The following TMPRSS15 variants were observed in gnomAD, a reference collection of about 807,000 sequenced individuals.
The protein encoded by TMPRSS15 is transmembrane serine protease 15.
A neutral mutation model predicts 125.3 loss-of-function variants in TMPRSS15; 128 were observed. The observed-to-expected ratio is 1.02, with a 90% CI of 0.89 to 1.18. The LOEUF is 1.18. Ranked by LOEUF, TMPRSS15 falls within the 50% of genes most tolerant of loss-of-function variation. TMPRSS15 has a pLI of 0.00. For missense variants in TMPRSS15, 1,283 were observed against 1,212.7 expected, an observed-to-expected ratio of 1.06 and a Z score of -0.86; for synonymous variants, 446 against 423.2, an observed-to-expected ratio of 1.05 and a Z score of -0.66.
chr21:18,433,786 A>C (rs1485417296), intron 1 of TMPRSS15, among the ~76,000 whole-genome samples: 1 of 151,592 alleles, frequency 6.6e-6, no homozygotes, highest in Non-Finnish European at 1.5e-5. Context: ...TATTAACTTT[A>C]TACATTTTCC....
intron 7 of TMPRSS15, among the ~76,000 whole-genome samples, chr21:18,361,377 G>A (rs1285220226): frequency 6.6e-6 from 1 of 152,086 alleles, no homozygotes; most frequent in Non-Finnish European, 1.5e-5. Flanking sequence ...CCTTGGGCAT[G>A]AGTTTGGCTA....
intron 8 of TMPRSS15, among the ~76,000 whole-genome samples, chr21:18,359,551 CAA>C (rs77477929): frequency 0.15 from 23,289 of 151,628 alleles, 2,241 homozygotes; most frequent in East Asian, 0.29. Flanking sequence ...TAGGAGAGGA[CAA>C]TGTTAAAACG....
intron 18 of TMPRSS15, among the ~76,000 whole-genome samples, chr21:18,300,952 T>G: frequency 6.6e-6 from 1 of 152,294 alleles, no homozygotes; most frequent in East Asian, 1.9e-4. Flanking sequence ...AAATTGGAGA[T>G]ACATATACAC....
At chr21:18,365,611 CTT>C (rs1465219004) in intron 6 of TMPRSS15, among the ~76,000 whole-genome samples, 1 of 18,970 alleles carries the variant, frequency 5.3e-5, no homozygotes, top group Non-Finnish European at 1.3e-4. Context: ...TCTTTCCTTC[CTT>C]TTCTCTCTTT....
At chr21:18,308,442 A>G (rs187524273) in intron 18 of TMPRSS15, among the ~76,000 whole-genome samples, 1 of 152,122 alleles carries the variant, frequency 6.6e-6, no homozygotes, top group Admixed American at 6.6e-5. Context: ...ATATGCATAA[A>G]CCAAATCGAT....
intron 13 of TMPRSS15, among the ~76,000 whole-genome samples, chr21:18,339,701 TA>T (rs1173484972): frequency 2.0e-5 from 3 of 152,046 alleles, no homozygotes; most frequent in African/African-American, 7.2e-5. Context: ...TTTTTTTGCA[TA>T]AAAACAAGTG....
At chr21:18,317,809 C>CATCCCATCCCATCCCATCCT (rs1555896891) in intron 16 of TMPRSS15, among the ~76,000 whole-genome samples, 3 of 32,386 alleles carry the variant, frequency 9.3e-5, no homozygotes, top group African/African-American at 1.5e-4. Flanking sequence ...CATCCCATCC[C>CATCCCATCCCATCCCATCCT]ATCCCATTCT....
chr21:18,287,088 A>G (rs192277935), intron 21 of TMPRSS15, among the ~76,000 whole-genome samples: 1 of 152,322 alleles, frequency 6.6e-6, no homozygotes. Context: ...TACTGCATGT[A>G]TCACTGCTAA....
At position 18,359,865 on chromosome 21, in the gene TMPRSS15, T is replaced by C; in HGVS notation, c.774-2A>G. The C allele has an allele frequency of 1.4e-6, 2 of 1,430,372 alleles. No homozygotes were observed. Among genetic ancestry groups the C allele is most frequent in the Non-Finnish European group, 2.0e-6 (2 of 1,015,220 alleles). The allele number at this position is 1,430,372 out of a possible 1,614,324, so 88.6% of individuals were successfully genotyped here. A position where few individuals can be genotyped will look rare whatever the true frequency, so the allele number is the denominator to read the frequency against. On this transcript the variant is annotated splice_acceptor_variant, in intron 7 of 24. Transcript: ENST00000284885. LOFTEE classifies it high-confidence loss of function. ...TTAATGGAAAGTCCTTGGTTTACAC[T>C]AAATTAAAAGCAAAAAATAGATTAC...
rs10655380 is a variant in TMPRSS15, at chr21:18,365,574, T to TTC, written c.665-328_665-327dup. On this transcript the variant is annotated intron_variant, in intron 6 of 24. Transcript: ENST00000284885. ...CTTTTCTCTCTTTCTTTCTCTCTCTTTCTCTCTTTTTCCTTCCTTCCTTCC... is the reference window on the plus strand; with the variant it reads ...CTTTTCTCTCTTTCTTTCTCTCTCTTTCTCTCTCTTTTTCCTTCCTTCCTTCC... Among the ~76,000 whole-genome samples the TTC allele has an allele frequency of 3.9e-3, 391 of 100,364 alleles. 20 individuals carry two copies. The highest frequency in any genetic ancestry group is 0.013 in the African/African-American group (362 of 27,532). 65.8% of individuals were successfully genotyped at this position (100,364 alleles called of 152,430 possible). A position where few individuals can be genotyped will look rare whatever the true frequency, so the allele number is the denominator to read the frequency against.
chr21:18,380,562 T>C (rs2075883852), intron 4 of TMPRSS15: 1 of 470,766 alleles, frequency 2.1e-6, no homozygotes, highest in Non-Finnish European at 4.4e-6. Flanking sequence ...CAGGGCTTAC[T>C]GTAGAAAAAT....
At chr21:18,438,258 T>G (rs1441278000) in intron 1 of TMPRSS15, among the ~76,000 whole-genome samples, 1 of 140,028 alleles carries the variant, frequency 7.1e-6, no homozygotes, top group Non-Finnish European at 1.5e-5. Flanking sequence ...TTCTCACTCA[T>G]AGATGGGAAC....
chr21:18,282,991 T>C (rs2074719590), intron 21 of TMPRSS15, among the ~76,000 whole-genome samples: 2 of 152,158 alleles, frequency 1.3e-5, no homozygotes, highest in Non-Finnish European at 2.9e-5. Flanking sequence ...TCCTAGTGGT[T>C]GGTGGCAGCT....
In TMPRSS15 at chr21:18,278,924, G is replaced by GTTTGTTT. The variant is rs769392758; in HGVS notation, c.2764+39_2764+40insAAACAAA. On this transcript the variant is annotated intron_variant, in intron 23 of 24. Coordinates refer to ENST00000284885, the MANE Select transcript of TMPRSS15 (RefSeq NM_002772.3). Reference sequence around the variant, plus strand: ...TGACAGTCTGTTTTTCACCAGTAAGGTTTTTTTTTTTTTTTTTTTTTTTGA... The same window carrying GTTTGTTT: ...TGACAGTCTGTTTTTCACCAGTAAGGTTTGTTTTTTTTTTTTTTTTTTTTTTTTTTGA... 206 of 440,178 alleles carry GTTTGTTT rather than the reference G, an allele frequency of 4.7e-4. 5 individuals carry two copies. In the African/African-American group the frequency reaches 5.8e-3, roughly 12 times the overall value. The allele number at this position is 440,178 out of a possible 1,614,324, so 27.3% of individuals were successfully genotyped here.
At chr21:18,372,767 G>T (rs1197429074) in intron 5 of TMPRSS15, among the ~76,000 whole-genome samples, 2 of 152,134 alleles carry the variant, frequency 1.3e-5, no homozygotes, top group South Asian at 2.1e-4. Context: ...AGATTCTTAG[G>T]GGGTACACTG....
At chr21:18,330,304 C>T (rs1483341639) in intron 14 of TMPRSS15, among the ~76,000 whole-genome samples, 3 of 152,196 alleles carry the variant, frequency 2.0e-5, no homozygotes, top group African/African-American at 7.2e-5. Flanking sequence ...TGATGATTCT[C>T]ATCCCTTACC....
At chr21:18,418,379 C>T (rs1400614915) in intron 1 of TMPRSS15, among the ~76,000 whole-genome samples, 3 of 152,134 alleles carry the variant, frequency 2.0e-5, no homozygotes, top group Non-Finnish European at 4.4e-5. Context: ...TGTCATTCTG[C>T]GGCCAGTACT....
chr21:18,301,178 C>T (rs2074968349), intron 18 of TMPRSS15, among the ~76,000 whole-genome samples: 1 of 152,208 alleles, frequency 6.6e-6, no homozygotes, highest in Admixed American at 6.5e-5. Flanking sequence ...GTATAGGGCC[C>T]TCAGTTCATA....
chr21:18,327,791 G>C (rs553295294), intron 15 of TMPRSS15, among the ~76,000 whole-genome samples: 1 of 152,196 alleles, frequency 6.6e-6, no homozygotes, highest in South Asian at 2.1e-4. Context: ...CATCAAAATT[G>C]ATCATTTGAG....
Sources: allele counts gnomAD v4.1 joint callset (sites outside exome capture counted in the v4.1 genomes callset), GRCh38; gene constraint gnomAD v4.1.1; transcripts MANE v1.5; gene names NCBI Gene and HGNC (gene_info 2026-07-23, HGNC 2026-07-21).